The following PHACTR1 variants were observed in gnomAD, a reference collection of about 807,000 sequenced individuals.
The protein encoded by PHACTR1 is phosphatase and actin regulator 1.
PHACTR1 carries 16 observed loss-of-function variants against 69.2 expected under a neutral mutation model. The ratio of observed to expected loss-of-function variants is 0.23; its 90% CI spans 0.16 to 0.35. PHACTR1 has a LOEUF of 0.35. PHACTR1 is among the 10% of genes least tolerant of loss of function. The probability of loss-of-function intolerance (pLI) is 1.00; values close to 1 mark genes in which losing one functional copy is unlikely to be tolerated. For missense variants in PHACTR1, 510 were observed against 734.7 expected, an observed-to-expected ratio of 0.69 and a Z score of 3.54; for synonymous variants, 312 against 284.5, an observed-to-expected ratio of 1.10 and a Z score of -0.97.
At chr6:12,893,625 T>C (rs1561986578) in intron 4 of PHACTR1, among the ~76,000 whole-genome samples, 1 of 152,146 alleles carries the variant, frequency 6.6e-6, no homozygotes, top group Non-Finnish European at 1.5e-5. Flanking sequence ...CACACTATTA[T>C]TATCTTTCAA....
intron 4 of PHACTR1, among the ~76,000 whole-genome samples, chr6:12,792,190 C>T (rs1772367711): frequency 6.6e-6 from 1 of 151,908 alleles, no homozygotes; most frequent in Non-Finnish European, 1.5e-5. Flanking sequence ...ATGGGCCGGG[C>T]GCGGTGGCTC....
chr6:12,847,109 G>A (rs913479578), intron 4 of PHACTR1, among the ~76,000 whole-genome samples: 8 of 152,062 alleles, frequency 5.3e-5, no homozygotes, highest in African/African-American at 9.7e-5. Flanking sequence ...GAGCCACTGC[G>A]CCCAGCAGCA....
intron 10 of PHACTR1, among the ~76,000 whole-genome samples, chr6:13,242,077 C>G (rs1187857739): frequency 1.3e-5 from 2 of 151,774 alleles, no homozygotes; most frequent in Non-Finnish European, 2.9e-5. Context: ...TGCTAGTTGC[C>G]CTAACAGGAA....
intron 4 of PHACTR1, among the ~76,000 whole-genome samples, chr6:12,773,709 A>T (rs1482358728): frequency 2.6e-5 from 4 of 152,194 alleles, no homozygotes; most frequent in African/African-American, 7.2e-5. Flanking sequence ...AAAAAAATTT[A>T]AAACCACATG....
At chr6:13,241,555 T>TTAC (rs1772843500) in intron 10 of PHACTR1, among the ~76,000 whole-genome samples, 1 of 152,186 alleles carries the variant, frequency 6.6e-6, no homozygotes, top group Non-Finnish European at 1.5e-5. Context: ...TCTTCACCAC[T>TTAC]TACTAGCTGG....
chr6:13,278,385 A>G, intron 12 of PHACTR1, 56 bp downstream of exon 12: 1 of 1,499,678 alleles, frequency 6.7e-7, no homozygotes, highest in South Asian at 1.2e-5. Flanking sequence ...TGCCTGCCAC[A>G]CCTCTGCCCT....
chr6:13,157,471 G>A (rs995975464), intron 5 of PHACTR1, among the ~76,000 whole-genome samples: 7 of 152,200 alleles, frequency 4.6e-5, no homozygotes, highest in African/African-American at 1.7e-4. Flanking sequence ...AGCCCCAGCC[G>A]GTGCCTTTGA....
intron 5 of PHACTR1, among the ~76,000 whole-genome samples, chr6:13,118,630 A>G (rs914212224): frequency 5.9e-5 from 9 of 151,898 alleles, no homozygotes; most frequent in African/African-American, 2.2e-4. Context: ...AGGTGCGCAC[A>G]ACCATGCCCA....
At chr6:13,222,455 G>A (rs1768821495) in intron 8 of PHACTR1, among the ~76,000 whole-genome samples, 1 of 152,254 alleles carries the variant, frequency 6.6e-6, no homozygotes, top group South Asian at 2.1e-4. Flanking sequence ...AACCCCACGA[G>A]CATCAGCATC....
intron 4 of PHACTR1, among the ~76,000 whole-genome samples, chr6:12,956,643 A>T (rs954979401): frequency 6.6e-6 from 1 of 152,082 alleles, no homozygotes; most frequent in Admixed American, 6.6e-5. Context: ...GAGAGGGTTT[A>T]TGAGGATCGA....
chr6:13,121,080 G>A (rs1484855835), intron 5 of PHACTR1, among the ~76,000 whole-genome samples: 5 of 152,196 alleles, frequency 3.3e-5, no homozygotes, highest in Non-Finnish European at 7.3e-5. Context: ...ACCACCATGT[G>A]GAGGGAGTGA....
At chr6:13,146,917 A>T (rs1024740872) in intron 5 of PHACTR1, among the ~76,000 whole-genome samples, 1 of 152,194 alleles carries the variant, frequency 6.6e-6, no homozygotes, top group Admixed American at 6.5e-5. Context: ...ATCACAAAAA[A>T]ATTAGATGTT....
At chr6:13,104,981 A>G (rs1815852037) in intron 5 of PHACTR1, among the ~76,000 whole-genome samples, 2 of 152,236 alleles carry the variant, frequency 1.3e-5, no homozygotes, top group South Asian at 4.1e-4. Context: ...TTAGTACATT[A>G]TCCTCTGTCC....
At position 13,013,131 on chromosome 6, in the gene PHACTR1, C is replaced by T. The variant is rs112807256; in HGVS notation, c.251-40234C>T. ...GGTAGATGTCACTCGCTTTGCTAAG[C>T]CTTAGTCACTGTGCTAAAACAGCTG... is the stretch of plus-strand genomic sequence containing the variant. On this transcript the variant is annotated intron_variant, in intron 4 of 14. Coordinates refer to ENST00000332995, the MANE Select transcript of PHACTR1 (RefSeq NM_030948.6). Among the ~76,000 whole-genome samples, 1,394 of 152,324 alleles carry T rather than the reference C, an allele frequency of 9.2e-3. 25 individuals are homozygous for T. The highest frequency in any genetic ancestry group is 0.032 in the African/African-American group (1,331 of 41,556).
chr6:13,243,260 T>G (rs1478971262), intron 10 of PHACTR1, among the ~76,000 whole-genome samples: 7 of 148,898 alleles, frequency 4.7e-5, no homozygotes, highest in Non-Finnish European at 1.0e-4. Flanking sequence ...TTTTTTTTTT[T>G]GCGAGATGTT....
intron 13 of PHACTR1, among the ~76,000 whole-genome samples, chr6:13,284,373 C>T (rs367839857): frequency 3.3e-5 from 5 of 151,270 alleles, no homozygotes; most frequent in Non-Finnish European, 5.9e-5. Context: ...CAAAATTAGC[C>T]GGGCGTGATG....
chr6:12,858,988 C>T (rs1020362093), intron 4 of PHACTR1, among the ~76,000 whole-genome samples: 4 of 152,050 alleles, frequency 2.6e-5, no homozygotes, highest in African/African-American at 9.7e-5. Flanking sequence ...TAAAGCTTGG[C>T]GAATTTAAAT....
intron 4 of PHACTR1, among the ~76,000 whole-genome samples, chr6:13,009,601 G>A (rs1267566892): frequency 6.6e-6 from 1 of 151,944 alleles, no homozygotes; most frequent in Non-Finnish European, 1.5e-5. Flanking sequence ...ATAACAGCTG[G>A]GCATTCAAAA....
At chr6:12,870,119 T>C (rs1370563550) in intron 4 of PHACTR1, among the ~76,000 whole-genome samples, 1 of 143,966 alleles carries the variant, frequency 6.9e-6, no homozygotes, top group Non-Finnish European at 1.5e-5. Flanking sequence ...AATAAGGACA[T>C]GGAAAAAAAA....
Sources: allele counts gnomAD v4.1 joint callset (sites outside exome capture counted in the v4.1 genomes callset), GRCh38; gene constraint gnomAD v4.1.1; transcripts MANE v1.5; gene names NCBI Gene and HGNC (gene_info 2026-07-23, HGNC 2026-07-21).